GABRG3: variants seen among roughly 807,000 people sequenced by gnomAD.
GABRG3 encodes the protein gamma-aminobutyric acid receptor subunit gamma-3.
A neutral mutation model predicts 48.8 loss-of-function variants in GABRG3; 25 were observed. That is an observed-to-expected ratio of 0.51 (90% CI 0.37 to 0.72). GABRG3 has a LOEUF of 0.72. Ranked by LOEUF, GABRG3 falls within the 30% of genes least tolerant of loss-of-function variation. GABRG3 has a pLI of 0.00. For synonymous variants in GABRG3, 227 were observed against 217.6 expected, an observed-to-expected ratio of 1.04 and a Z score of -0.38; for missense variants, 394 against 577.9, an observed-to-expected ratio of 0.68 and a Z score of 3.26.
chr15:27,340,890 G>C, intron 5 of GABRG3: 1 of 434,444 alleles, frequency 2.3e-6, no homozygotes, highest in Non-Finnish European at 4.5e-6. Context: ...TCATGGTTCT[G>C]TTATGTACTT....
intron 3 of GABRG3, among the ~76,000 whole-genome samples, chr15:27,217,479 T>C (rs1458581619): frequency 6.6e-6 from 1 of 152,188 alleles, no homozygotes; most frequent in Admixed American, 6.5e-5. Flanking sequence ...TGGCCCTACA[T>C]GGGACCTTCT....
intron 6 of GABRG3, among the ~76,000 whole-genome samples, chr15:27,489,270 G>A (rs1013824661): frequency 2.0e-5 from 3 of 152,120 alleles, no homozygotes; most frequent in African/African-American, 7.2e-5. Flanking sequence ...TCTTTATCCA[G>A]TCTATCATTG....
At chr15:27,126,504 T>C (rs1468753097) in intron 3 of GABRG3, among the ~76,000 whole-genome samples, 1 of 152,158 alleles carries the variant, frequency 6.6e-6, no homozygotes, top group Non-Finnish European at 1.5e-5. Flanking sequence ...GCTGTGGCTG[T>C]GGCTGCACTG....
At chr15:27,115,591 C>G (rs1301976649) in intron 3 of GABRG3, among the ~76,000 whole-genome samples, 1 of 152,178 alleles carries the variant, frequency 6.6e-6, no homozygotes, top group East Asian at 1.9e-4. Context: ...ATGTTTCATG[C>G]CTTTACTAGG....
At chr15:27,455,637 G>A (rs1456616050) in intron 5 of GABRG3, among the ~76,000 whole-genome samples, 1 of 148,142 alleles carries the variant, frequency 6.8e-6, no homozygotes, top group East Asian at 2.0e-4. Flanking sequence ...TGTATGCCGT[G>A]GGTGGTTTGT....
At chr15:26,981,676 T>A (rs545180713) in intron 2 of GABRG3, among the ~76,000 whole-genome samples, 8 of 152,328 alleles carry the variant, frequency 5.3e-5, no homozygotes, top group African/African-American at 1.9e-4. Context: ...AGGCATGCAC[T>A]GGCCTTGTGG....
At chr15:27,443,732 G>A (rs1418760995) in intron 5 of GABRG3, among the ~76,000 whole-genome samples, 7 of 152,214 alleles carry the variant, frequency 4.6e-5, no homozygotes, top group African/African-American at 1.4e-4. Flanking sequence ...CATGATCTTA[G>A]AGGGAATGTT....
At chr15:27,278,804 G>T (rs541269879) in intron 3 of GABRG3, among the ~76,000 whole-genome samples, 1 of 152,168 alleles carries the variant, frequency 6.6e-6, no homozygotes, top group Non-Finnish European at 1.5e-5. Flanking sequence ...AAAGCCAAGA[G>T]TGTAATTTCT....
chr15:27,369,722 G>T (rs980688410), intron 5 of GABRG3, among the ~76,000 whole-genome samples: 1 of 150,044 alleles, frequency 6.7e-6, no homozygotes, highest in Non-Finnish European at 1.5e-5. Flanking sequence ...CAGGAGAATG[G>T]CGTGAACCCG....
Position 27,535,106 on chromosome 15 carries a change from C to A in GABRG3, c.*2225C>A, listed in dbSNP as rs184102423. Reference sequence around the variant, plus strand: ...CTGCAAGGACCCTGACCAAAGGAATCCAAGTCACACCACAGCACTGAGCGC... The same window carrying A: ...CTGCAAGGACCCTGACCAAAGGAATACAAGTCACACCACAGCACTGAGCGC... On this transcript the variant is annotated 3_prime_UTR_variant, in exon 10 of 10. Coordinates refer to ENST00000615808, the MANE Select transcript of GABRG3 (RefSeq NM_033223.5). 31 of 152,282 alleles carry A rather than the reference C, an allele frequency of 2.0e-4. No homozygotes were observed. Among genetic ancestry groups the A allele is most frequent in the African/African-American group, 7.2e-4 (30 of 41,548 alleles). 9.4% of individuals were successfully genotyped at this position (152,282 alleles called of 1,614,324 possible). A position where few individuals can be genotyped will look rare whatever the true frequency, so the allele number is the denominator to read the frequency against.
intron 3 of GABRG3, among the ~76,000 whole-genome samples, chr15:27,228,409 G>A (rs1889692193): frequency 6.6e-6 from 1 of 152,140 alleles, no homozygotes; most frequent in Non-Finnish European, 1.5e-5. Context: ...TCTTTTTTAT[G>A]GCTGCATAGT....
intron 3 of GABRG3, among the ~76,000 whole-genome samples, chr15:27,174,403 A>G (rs1887672273): frequency 6.6e-6 from 1 of 152,110 alleles, no homozygotes; most frequent in Non-Finnish European, 1.5e-5. Context: ...TTCCTCTTTT[A>G]ATAGCCAGAA....
rs184236537 is a variant in GABRG3, at chr15:27,063,321, G to A, written c.270+36500G>A. On this transcript the variant is annotated intron_variant, in intron 3 of 9. Coordinates refer to ENST00000615808, the MANE Select transcript of GABRG3 (RefSeq NM_033223.5). ...TGGCAAACCTTGTGGAGTGCCTGAT[G>A]TAGTTTGGATGTTTGTCCCCTCCAG... Among the ~76,000 whole-genome samples the A allele has an allele frequency of 3.7e-3, 560 of 152,338 alleles. 7 individuals are homozygous for A. Among genetic ancestry groups the A allele is most frequent in the African/African-American group, 0.013 (523 of 41,580 alleles).
chr15:27,351,750 G>C (rs1240483614), intron 5 of GABRG3, among the ~76,000 whole-genome samples: 1 of 150,444 alleles, frequency 6.6e-6, no homozygotes, highest in African/African-American at 2.5e-5. Context: ...ATGTATGAGT[G>C]TGTTTATGGT....
intron 3 of GABRG3, among the ~76,000 whole-genome samples, chr15:27,216,770 A>ATTTATTTATTTATTTATTTT: frequency 1.1e-5 from 1 of 89,476 alleles, no homozygotes; most frequent in African/African-American, 4.0e-5. Context: ...TTATTTATTT[A>ATTTATTTATTTATTTATTTT]TTTTTTAATT....
chr15:27,117,128 A>G (rs1190436916), intron 3 of GABRG3, among the ~76,000 whole-genome samples: 1 of 152,236 alleles, frequency 6.6e-6, no homozygotes, highest in Non-Finnish European at 1.5e-5. Context: ...TCACAAAGCT[A>G]ATAAGGGAAG....
rs1270903989 is a variant in GABRG3 at position 27,236,420 on chromosome 15, C to T, written c.271-90389C>T. On this transcript the variant is annotated intron_variant, in intron 3 of 9. Coordinates refer to ENST00000615808, the MANE Select transcript of GABRG3 (RefSeq NM_033223.5). This position sits in a 1 kb window ranked among gnomAD's most constrained non-coding sequence, Gnocchi z 4.4. Reference sequence around the variant, plus strand: ...AAACCTTAGAAACTGAGTTCCCGGCCATGACAGGACAGGAGGTAGGACACG... The same window carrying T: ...AAACCTTAGAAACTGAGTTCCCGGCTATGACAGGACAGGAGGTAGGACACG... Among the ~76,000 whole-genome samples, 3 of 152,218 alleles carry T rather than the reference C, an allele frequency of 2.0e-5. No homozygotes were observed. Among genetic ancestry groups the T allele is most frequent in the Non-Finnish European group, 4.4e-5 (3 of 68,038 alleles).
At chr15:27,057,714 C>G (rs2140718817) in intron 3 of GABRG3, among the ~76,000 whole-genome samples, 1 of 152,220 alleles carries the variant, frequency 6.6e-6, no homozygotes, top group South Asian at 2.1e-4. Flanking sequence ...GGGAATCTTA[C>G]CACGTACTTA....
chr15:27,029,295 C>T lies in GABRG3; in HGVS notation c.270+2474C>T, dbSNP rs115695515. 9.7e-3 allele frequency among the ~76,000 whole-genome samples: 1,482 copies of T among 152,256 alleles called. 18 individuals carry two copies. Among genetic ancestry groups the T allele is most frequent in the African/African-American group, 0.034 (1,415 of 41,544 alleles). ...AGCAAGTGCTTTCCTCTGCAAACAG[C>T]GCCGAGGCCGCAGTCAGCGCTCAGC... is the stretch of plus-strand genomic sequence containing the variant. On this transcript the variant is annotated intron_variant, in intron 3 of 9. Coordinates refer to ENST00000615808, the MANE Select transcript of GABRG3 (RefSeq NM_033223.5).
Sources: allele counts gnomAD v4.1 joint callset (sites outside exome capture counted in the v4.1 genomes callset), GRCh38; gene constraint gnomAD v4.1.1; non-coding constraint Gnocchi (gnomAD v3.1); transcripts MANE v1.5; gene names NCBI Gene and HGNC (gene_info 2026-07-23, HGNC 2026-07-21).